The following YIPF4 variants were observed in gnomAD, a reference collection of about 807,000 sequenced individuals.
YIPF4 encodes the protein protein YIPF4.
YIPF4 carries 18 observed loss-of-function variants against 29.4 expected under a neutral mutation model. The ratio of observed to expected loss-of-function variants is 0.61; its 90% CI spans 0.42 to 0.91. YIPF4 has a LOEUF of 0.91. Among genes scored for constraint, YIPF4 ranks in the 40% least tolerant of loss-of-function variants. YIPF4 has a pLI of 0.00. For synonymous variants in YIPF4, 115 were observed against 104.7 expected, an observed-to-expected ratio of 1.10 and a Z score of -0.60; for missense variants, 279 against 282.7, an observed-to-expected ratio of 0.99 and a Z score of 0.09.
rs1253932083 is a variant in YIPF4, at chr2:32,313,891, C to G, written c.*8265C>G. The stretch of plus-strand genomic sequence containing the variant: ...CTAATTTTTGTATTTTTAGTAGAGA[C>G]GGGATTTCACCATGTTGGTCTCGAA... On this transcript the variant is annotated 3_prime_UTR_variant, in exon 6 of 6. Transcript: ENST00000238831. 6.6e-6 allele frequency: 1 copy of G among 151,758 alleles called. No individual in the cohort carries two copies. Among genetic ancestry groups the G allele is most frequent in the Non-Finnish European group, 1.5e-5 (1 of 68,016 alleles). 9.4% of individuals were successfully genotyped at this position (151,758 alleles called of 1,614,324 possible). A position where few individuals can be genotyped will look rare whatever the true frequency, so the allele number is the denominator to read the frequency against.
At position 32,305,662 on chromosome 2, in the gene YIPF4, A is replaced by C. The variant is rs1558482874; in HGVS notation, c.*36A>C. 4 of 1,466,522 alleles carry C rather than the reference A, an allele frequency of 2.7e-6. No homozygotes were observed. The highest frequency in any genetic ancestry group is 3.6e-6 in the Non-Finnish European group (4 of 1,107,728). 90.8% of individuals were successfully genotyped at this position (1,466,522 alleles called of 1,614,324 possible). ...ACATGAATAGAAAAAGATGGTGTTA[A>C]ATTTGTGTGTAGGCTGGGAATTCTT... is the stretch of plus-strand genomic sequence containing the variant. On this transcript the variant is annotated 3_prime_UTR_variant, in exon 6 of 6. Transcript: ENST00000238831.
At chr2:32,291,814 G>A (rs2030931132) in intron 2 of YIPF4, among the ~76,000 whole-genome samples, 1 of 152,156 alleles carries the variant, frequency 6.6e-6, no homozygotes, top group African/African-American at 2.4e-5. Context: ...GTTCTCATAT[G>A]GGTTTGCAAT....
At chr2:32,282,961 C>T (rs992356227) in intron 1 of YIPF4, among the ~76,000 whole-genome samples, 17 of 151,754 alleles carry the variant, frequency 1.1e-4, no homozygotes, top group Admixed American at 1.1e-3. Context: ...CCTGTAGTCC[C>T]AGCTACTCTG....
rs1053945046 is a variant in YIPF4 at position 32,306,294 on chromosome 2, T to G, written c.*668T>G. On this transcript the variant is annotated 3_prime_UTR_variant, in exon 6 of 6. Coordinates refer to ENST00000238831, the MANE Select transcript of YIPF4 (RefSeq NM_032312.4). The stretch of plus-strand genomic sequence containing the variant: ...ATTTTTAATAGTTGCTGATATATAT[T>G]TGGTTTGTTTGGGTATACTTTTCAA... The G allele has an allele frequency of 6.1e-6, 6 of 984,000 alleles. No homozygotes were observed. The highest frequency in any genetic ancestry group is 5.2e-4 in the Middle Eastern group (1 of 1,910). The allele number at this position is 984,000 out of a possible 1,614,324, so 61.0% of individuals were successfully genotyped here. A position where few individuals can be genotyped will look rare whatever the true frequency, so the allele number is the denominator to read the frequency against.
intron 1 of YIPF4, among the ~76,000 whole-genome samples, chr2:32,279,261 G>A (rs900216958): frequency 1.3e-5 from 2 of 151,822 alleles, no homozygotes; most frequent in Non-Finnish European, 2.9e-5. Flanking sequence ...GTGAGCCACC[G>A]CGCCCCGGCC....
rs982026385 is a variant in YIPF4, at chr2:32,290,791, TAATG to T, written c.233+157_233+160del. 431 of 402,006 alleles carry T rather than the reference TAATG, an allele frequency of 1.1e-3. 1 individual carries two copies. Among genetic ancestry groups the T allele is most frequent in the African/African-American group, 7.9e-3 (381 of 48,264 alleles). The allele number at this position is 402,006 out of a possible 1,614,324, so 24.9% of individuals were successfully genotyped here. A position where few individuals can be genotyped will look rare whatever the true frequency, so the allele number is the denominator to read the frequency against. On this transcript the variant is annotated intron_variant, in intron 2 of 5. Coordinates refer to ENST00000238831, the MANE Select transcript of YIPF4 (RefSeq NM_032312.4). ...CTAGTAATTTAAAAAACTGAAATAA[TAATG>T]AGAGAATATTTTTTAACCAATTAAA...
At chr2:32,295,233 A>G (rs913196699) in intron 3 of YIPF4, among the ~76,000 whole-genome samples, 2 of 152,194 alleles carry the variant, frequency 1.3e-5, no homozygotes, top group Non-Finnish European at 2.9e-5. Context: ...AAAACACAAC[A>G]TATATACATC....
chr2:32,283,721 CT>C (rs59948957), intron 1 of YIPF4, among the ~76,000 whole-genome samples: 131 of 145,186 alleles, frequency 9.0e-4, no homozygotes, highest in East Asian at 1.2e-3. Flanking sequence ...TATCTCATGT[CT>C]TTTTTTTTTT....
intron 3 of YIPF4, among the ~76,000 whole-genome samples, chr2:32,294,566 G>T (rs949860239): frequency 6.7e-6 from 1 of 149,326 alleles, no homozygotes; most frequent in Non-Finnish European, 1.5e-5. Flanking sequence ...GGGCAGAGAC[G>T]CTCCTCACTT....
At chr2:32,292,125 T>C in intron 2 of YIPF4, 52 bp from the exon 3 acceptor site, 1 of 1,228,422 alleles carries the variant, frequency 8.1e-7, no homozygotes, top group Non-Finnish European at 1.1e-6. Context: ...TTGGAATTGT[T>C]TTAGTATTCA....
intron 3 of YIPF4, among the ~76,000 whole-genome samples, chr2:32,294,830 C>G (rs933589621): frequency 6.6e-6 from 1 of 152,208 alleles, no homozygotes; most frequent in Non-Finnish European, 1.5e-5. Context: ...CTCCGGAGGC[C>G]GAGGCTGGCG....
Position 32,309,213 on chromosome 2 carries a change from G to T in YIPF4, c.*3587G>T, listed in dbSNP as rs2031663953. ...TTCCCCAAATACTCATACAGCCATT[G>T]AGCACCCCAATCCAAAATTCAGAAT... On this transcript the variant is annotated 3_prime_UTR_variant, in exon 6 of 6. Transcript: ENST00000238831. 6.6e-6 allele frequency: 1 copy of T among 152,038 alleles called. No individual in the cohort carries two copies. Among genetic ancestry groups the T allele is most frequent in the South Asian group, 2.1e-4 (1 of 4,832 alleles). The allele number at this position is 152,038 out of a possible 1,614,324, so 9.4% of individuals were successfully genotyped here.
At chr2:32,293,193 A>T (rs1297696863) in intron 3 of YIPF4, among the ~76,000 whole-genome samples, 1 of 152,078 alleles carries the variant, frequency 6.6e-6, no homozygotes, top group South Asian at 2.1e-4. Flanking sequence ...ACAAAGAAAC[A>T]AGTGAACAAA....
At chr2:32,297,482 C>T (rs1439184471) in intron 3 of YIPF4, among the ~76,000 whole-genome samples, 1 of 151,736 alleles carries the variant, frequency 6.6e-6, no homozygotes, top group Non-Finnish European at 1.5e-5. Context: ...AAACCAGTTT[C>T]TGGGGTTGGT....
At chr2:32,302,091 C>T (rs543669816) in intron 5 of YIPF4, among the ~76,000 whole-genome samples, 5 of 147,400 alleles carry the variant, frequency 3.4e-5, no homozygotes, top group South Asian at 2.1e-4. Flanking sequence ...AGTGCAGTGG[C>T]GTGATCTCAG....
chr2:32,293,640 G>T (rs1405783819), intron 3 of YIPF4, among the ~76,000 whole-genome samples: 2 of 152,138 alleles, frequency 1.3e-5, no homozygotes, highest in Non-Finnish European at 2.9e-5. Context: ...CCAGGCAGAG[G>T]GGCTCCTCAC....
Position 32,280,472 on chromosome 2 carries a change from C to T in YIPF4, c.79+2238C>T, listed in dbSNP as rs879823579. 5.0e-4 allele frequency among the ~76,000 whole-genome samples: 75 copies of T among 151,316 alleles called. 1 individual carries two copies. The highest frequency in any genetic ancestry group is 3.3e-3 in the South Asian group (16 of 4,782). On this transcript the variant is annotated intron_variant, in intron 1 of 5. Coordinates refer to ENST00000238831, the MANE Select transcript of YIPF4 (RefSeq NM_032312.4). ...TCAGCTCACTGCAAGCTCCGCCTCC[C>T]GGGTTCACGCCATTCTCTGCCTCAG...
intron 5 of YIPF4, among the ~76,000 whole-genome samples, chr2:32,301,798 C>T (rs1178571049): frequency 1.3e-5 from 2 of 151,772 alleles, no homozygotes; most frequent in Non-Finnish European, 2.9e-5. Context: ...GAGTGCCTCC[C>T]AGGTTCATGT....
intron 5 of YIPF4, 73 bp downstream of exon 5, chr2:32,301,568 A>C: frequency 9.9e-7 from 1 of 1,006,510 alleles, no homozygotes. Flanking sequence ...TCTAGCTAGG[A>C]ATATTGTGAT....
Sources: allele counts gnomAD v4.1 joint callset (sites outside exome capture counted in the v4.1 genomes callset), GRCh38; gene constraint gnomAD v4.1.1; transcripts MANE v1.5; gene names NCBI Gene and HGNC (gene_info 2026-07-23, HGNC 2026-07-21).